Variants in RAP2A observed in about 807,000 individuals in gnomAD.
RAP2A encodes the protein ras-related protein Rap-2a.
RAP2A carries 5 observed loss-of-function variants against 15.1 expected under a neutral mutation model. That is an observed-to-expected ratio of 0.33 (90% CI 0.17 to 0.70). The LOEUF is 0.70. Among genes scored for constraint, RAP2A ranks in the 30% least tolerant of loss-of-function variants. The probability of loss-of-function intolerance (pLI) is 0.68; values close to 1 mark genes in which losing one functional copy is unlikely to be tolerated. For synonymous variants in RAP2A, 110 were observed against 99.7 expected (o/e 1.10, Z -0.62); for missense variants, 111 against 240.3 (o/e 0.46, Z 3.56).
At chr13:97,454,095 C>A (rs879658310) in intron 1 of RAP2A, among the ~76,000 whole-genome samples, 5 of 151,100 alleles carry the variant, frequency 3.3e-5, no homozygotes, top group Non-Finnish European at 7.4e-5. Context: ...GTAGTTTGTC[C>A]TTTTATCCTC....
chr13:97,464,289 C>T lies in RAP2A; in HGVS notation c.399C>T (p.Ala133=). The change falls in exon 2 of 2, where the codon GCC becomes GCT. Residue 133 remains alanine (A), a synonymous_variant. Coordinates refer to ENST00000245304, the MANE Select transcript of RAP2A (RefSeq NM_021033.7). ...AAGTATCGTCCAGCGAAGGCAGAGC[C>T]CTTGCTGAAGAGTGGGGCTGCCCCT... is the stretch of plus-strand genomic sequence containing the variant. ...EREVSSSEGR[A]LAEEWGCPFM... is the part of the protein sequence containing the mutation. 3 of 1,614,190 alleles carry T rather than the reference C, an allele frequency of 1.9e-6. No homozygotes were observed. The highest frequency in any genetic ancestry group is 2.5e-6 in the Non-Finnish European group (3 of 1,180,036).
chr13:97,456,120 TAAG>T (rs1291962288), intron 1 of RAP2A, among the ~76,000 whole-genome samples: 1 of 144,436 alleles, frequency 6.9e-6, no homozygotes, highest in African/African-American at 2.6e-5. Context: ...AACTGTGAAA[TAAG>T]AAGGAAAAAA....
intron 1 of RAP2A, among the ~76,000 whole-genome samples, chr13:97,460,276 G>A (rs767662029): frequency 2.6e-5 from 4 of 152,160 alleles, no homozygotes; most frequent in African/African-American, 7.2e-5. Flanking sequence ...CCTGTTGGAC[G>A]TTATTCTTAG....
At chr13:97,444,944 G>A (rs1333671150) in intron 1 of RAP2A, among the ~76,000 whole-genome samples, 1 of 152,134 alleles carries the variant, frequency 6.6e-6, no homozygotes, top group African/African-American at 2.4e-5. Flanking sequence ...GACAGTTCTA[G>A]ATGCCAGGAA....
At chr13:97,442,597 T>C (rs926479562) in intron 1 of RAP2A, among the ~76,000 whole-genome samples, 6 of 152,168 alleles carry the variant, frequency 3.9e-5, no homozygotes, top group Non-Finnish European at 7.4e-5. Flanking sequence ...GTAAACTTGC[T>C]ATGTTGCTTG....
chr13:97,459,653 TC>T lies in RAP2A; in HGVS notation c.315-4549del, dbSNP rs1566475270. Reference sequence around the variant, plus strand: ...AGAACCTGCACGGTAGGGAGCAGATTCCCAGAAACCCTTCCCATCTTTGTTC... The same window carrying T: ...AGAACCTGCACGGTAGGGAGCAGATTCCAGAAACCCTTCCCATCTTTGTTC... On this transcript the variant is annotated intron_variant, in intron 1 of 1. Transcript: ENST00000245304. 3.3e-5 allele frequency among the ~76,000 whole-genome samples: 5 copies of T among 152,296 alleles called. No individual in the cohort carries two copies. In the South Asian group the frequency reaches 1.0e-3, roughly 32 times the overall value.
Position 97,434,351 on chromosome 13 carries a change from A to T in RAP2A, c.-120A>T. 1.3e-6 allele frequency: 1 copy of T among 763,810 alleles called. No individual in the cohort carries two copies. Among genetic ancestry groups the T allele is most frequent in the Non-Finnish European group, 1.6e-6 (1 of 644,254 alleles). The allele number at this position is 763,810 out of a possible 1,614,324, so 47.3% of individuals were successfully genotyped here. ...CGCCCAGGGGGCCGCCGCGGCTGTG[A>T]GGTGGGGGCGGCAGCGGGAGGCGGC... On this transcript the variant is annotated 5_prime_UTR_variant, in exon 1 of 2. Transcript: ENST00000245304.
At chr13:97,451,669 C>G (rs760002963) in intron 1 of RAP2A, among the ~76,000 whole-genome samples, 1 of 79,376 alleles carries the variant, frequency 1.3e-5, no homozygotes. Flanking sequence ...TATGTGTATA[C>G]TTTCTTTTGG....
chr13:97,435,434 T>C (rs1174416612), intron 1 of RAP2A, among the ~76,000 whole-genome samples: 2 of 149,676 alleles, frequency 1.3e-5, no homozygotes, highest in Admixed American at 6.6e-5. Flanking sequence ...TTTTGTTTTT[T>C]TGTTTTTAAT....
At chr13:97,451,295 TTACAGCTGGGATGTG>T (rs1214606294) in intron 1 of RAP2A, among the ~76,000 whole-genome samples, 1 of 152,176 alleles carries the variant, frequency 6.6e-6, no homozygotes, top group Non-Finnish European at 1.5e-5. Context: ...AATTGTAGGT[TTACAGCTGGGATGTG>T]TACACCTGTA....
rs182400382 is a variant in RAP2A, at chr13:97,443,445, C to T, written c.314+8661C>T. The stretch of plus-strand genomic sequence containing the variant: ...TTCTGTTGCCCAGGCTGGAGTGCAG[C>T]GGCGCCATCAGAGCTTACTGCAGCC... On this transcript the variant is annotated intron_variant, in intron 1 of 1. Transcript: ENST00000245304. 7.4e-4 allele frequency among the ~76,000 whole-genome samples: 113 copies of T among 152,260 alleles called. 1 individual carries two copies. The highest frequency in any genetic ancestry group is 3.4e-3 in the Middle Eastern group (1 of 294).
chr13:97,442,771 C>T (rs1380759490), intron 1 of RAP2A, among the ~76,000 whole-genome samples: 8 of 152,160 alleles, frequency 5.3e-5, no homozygotes, highest in African/African-American at 9.7e-5. Flanking sequence ...ATTTCATCTT[C>T]TCTCTCCTGC....
At chr13:97,452,642 A>ACACACG (rs1555326574) in intron 1 of RAP2A, among the ~76,000 whole-genome samples, 3 of 94,172 alleles carry the variant, frequency 3.2e-5, no homozygotes, top group Non-Finnish European at 5.3e-5. Flanking sequence ...AGTCACACAC[A>ACACACG]CACACACGCA....
rs2066703459 is a variant in RAP2A at position 97,451,839 on chromosome 13, T to C, written c.315-12366T>C. 1.3e-5 allele frequency among the ~76,000 whole-genome samples: 2 copies of C among 151,378 alleles called. 1 individual carries two copies. Among genetic ancestry groups the C allele is most frequent in the African/African-American group, 4.9e-5 (2 of 41,042 alleles). On this transcript the variant is annotated intron_variant, in intron 1 of 1. Coordinates refer to ENST00000245304, the MANE Select transcript of RAP2A (RefSeq NM_021033.7). ...TTAATTTTAATCAATCCGATAGGAT[T>C]CTAGGAACCTCAGTGTGATTTTTAT...
At position 97,464,578 on chromosome 13, in the gene RAP2A, A is replaced by G; in HGVS notation, c.*136A>G. 1 of 787,634 alleles carries G rather than the reference A, an allele frequency of 1.3e-6. No homozygotes were observed. The highest frequency in any genetic ancestry group is 2.1e-6 in the Non-Finnish European group (1 of 483,526). 48.8% of individuals were successfully genotyped at this position (787,634 alleles called of 1,614,324 possible). A position where few individuals can be genotyped will look rare whatever the true frequency, so the allele number is the denominator to read the frequency against. ...CTGCAGCCCTTATTCAGAATTGAGC[A>G]GTGATTGTCAGTTGATATCTCTGAG... On this transcript the variant is annotated 3_prime_UTR_variant, in exon 2 of 2. Coordinates refer to ENST00000245304, the MANE Select transcript of RAP2A (RefSeq NM_021033.7).
rs1234235824 is a variant in RAP2A at position 97,467,907 on chromosome 13, C to T, written c.*3465C>T. ...TTAAACCTTGACATTTCAATTAAAA[C>T]ATGAATTGTAGTTATAACTCAATGC... On this transcript the variant is annotated 3_prime_UTR_variant, in exon 2 of 2. Coordinates refer to ENST00000245304, the MANE Select transcript of RAP2A (RefSeq NM_021033.7). The T allele has an allele frequency of 2.6e-5, 4 of 152,570 alleles. No individual in the cohort carries two copies. The highest frequency in any genetic ancestry group is 9.7e-5 in the African/African-American group (4 of 41,430). 9.5% of individuals were successfully genotyped at this position (152,570 alleles called of 1,614,324 possible).
chr13:97,460,933 CCCTCAGGAGTTCTTTACCT>C (rs1347406841), intron 1 of RAP2A, among the ~76,000 whole-genome samples: 5 of 152,156 alleles, frequency 3.3e-5, no homozygotes, highest in Non-Finnish European at 7.4e-5. Flanking sequence ...ACTCGGTTTG[CCCTCAGGAGTTCTTTACCT>C]CCTTTGATCA....
In RAP2A at chr13:97,451,672, T is replaced by C. The variant is rs534083500; in HGVS notation, c.315-12533T>C. Among the ~76,000 whole-genome samples the C allele has an allele frequency of 8.1e-5, 6 of 74,414 alleles. 1 individual carries two copies. The South Asian group carries it at 1.8e-3, about 22-fold the overall frequency. The allele number at this position is 74,414 out of a possible 152,430, so 48.8% of individuals were successfully genotyped here. ...TTGGTGAATGAATATGTGTATACTT[T>C]CTTTTGGTGTAGCATTATTGGATCA... is the stretch of plus-strand genomic sequence containing the variant. On this transcript the variant is annotated intron_variant, in intron 1 of 1. Coordinates refer to ENST00000245304, the MANE Select transcript of RAP2A (RefSeq NM_021033.7).
At chr13:97,456,250 A>AC (rs764887655) in intron 1 of RAP2A, among the ~76,000 whole-genome samples, 16 of 150,340 alleles carry the variant, frequency 1.1e-4, no homozygotes, top group Non-Finnish European at 2.4e-4. Context: ...GGAAGTGCCC[A>AC]CCCTCAGCTC....
Sources: allele counts gnomAD v4.1 joint callset (sites outside exome capture counted in the v4.1 genomes callset), GRCh38; gene constraint gnomAD v4.1.1; transcripts MANE v1.5; gene names NCBI Gene and HGNC (gene_info 2026-07-23, HGNC 2026-07-21).